The following DNAI7 variants were observed in gnomAD, a reference collection of about 807,000 sequenced individuals.
The protein encoded by DNAI7 is cancer susceptibility 1.
In DNAI7, 78 loss-of-function variants were observed where a neutral mutation model predicts 86.6. The ratio of observed to expected loss-of-function variants is 0.90; its 90% CI spans 0.75 to 1.09. DNAI7 has a LOEUF of 1.09. Among genes scored for constraint, DNAI7 ranks in the 50% least tolerant of loss-of-function variants. DNAI7 has a pLI of 0.00. For synonymous variants in DNAI7, 274 were observed against 273.0 expected (o/e 1.00, Z -0.04); for missense variants, 753 against 810.2 (o/e 0.93, Z 0.86).
chr12:25,182,056 G>T (rs1469222262), intron 2 of DNAI7, among the ~76,000 whole-genome samples: 1 of 147,190 alleles, frequency 6.8e-6, no homozygotes, highest in African/African-American at 2.5e-5. Context: ...TTTTCAAAGA[G>T]ACACCTGTAG....
At chr12:25,160,804 TTTAAG>T (rs1305226686) in intron 3 of DNAI7, among the ~76,000 whole-genome samples, 1 of 152,234 alleles carries the variant, frequency 6.6e-6, no homozygotes, top group African/African-American at 2.4e-5. Flanking sequence ...CAATTTTTTT[TTTAAG>T]TTAAGTATGT....
intron 9 of DNAI7, among the ~76,000 whole-genome samples, chr12:25,139,687 G>A (rs4460901): frequency 0.68 from 103,869 of 151,796 alleles, 39,588 homozygotes; most frequent in East Asian, 0.99. Context: ...ATCACACACT[G>A]GGGCCTGTCG....
chr12:25,155,542 T>C (rs1009244266), intron 4 of DNAI7, 130 bp from the exon 5 acceptor site: 1 of 492,320 alleles, frequency 2.0e-6, no homozygotes, highest in African/African-American at 2.0e-5. Context: ...TTAGTTTGAA[T>C]ATAACTGATA....
intron 2 of DNAI7, among the ~76,000 whole-genome samples, chr12:25,181,790 T>C (rs1949526287): frequency 6.6e-6 from 1 of 151,912 alleles, no homozygotes; most frequent in African/African-American, 2.4e-5. Context: ...AGATCACTAA[T>C]CAGATAAATT....
intron 2 of DNAI7, among the ~76,000 whole-genome samples, chr12:25,173,206 A>G (rs574101080): frequency 6.6e-6 from 1 of 152,160 alleles, no homozygotes; most frequent in East Asian, 1.9e-4. Context: ...ACATCTGACA[A>G]AGGACTAATA....
Position 25,114,831 on chromosome 12 carries a change from T to A in DNAI7, c.1436A>T (p.Tyr479Phe), listed in dbSNP as rs1168125768. 1 of 1,613,996 alleles carries A rather than the reference T, an allele frequency of 6.2e-7. No individual in the cohort carries two copies. The highest frequency in any genetic ancestry group is 8.5e-7 in the Non-Finnish European group (1 of 1,179,968). The change falls in exon 13 of 16, where the codon TAC (tyrosine) becomes TTC (phenylalanine). Residue 479 changes from tyrosine (Y) to phenylalanine (F), a missense_variant. Coordinates refer to ENST00000395987, the MANE Select transcript of DNAI7 (RefSeq NM_018272.5). ...TGTTACAAGTCTTTCTTTTGGTTTG[T>A]AGGATACATTGCTGATGCCATCAGT... is the stretch of plus-strand genomic sequence containing the variant. ...WRTDGISNVS[Y>F]KPKERLVTFS...
chr12:25,194,948 A>G, intron 1 of DNAI7, 128 bp downstream of exon 1: 4 of 1,614,206 alleles, frequency 2.5e-6, no homozygotes, highest in Non-Finnish European at 3.4e-6. Context: ...ACCCCAAGGT[A>G]TGAGTTATTT....
At chr12:25,180,324 G>A (rs1235574917) in intron 2 of DNAI7, among the ~76,000 whole-genome samples, 4 of 152,018 alleles carry the variant, frequency 2.6e-5, no homozygotes, top group Non-Finnish European at 5.9e-5. Context: ...CCATGCTCAC[G>A]GATTAGAAGA....
intron 7 of DNAI7, among the ~76,000 whole-genome samples, chr12:25,148,708 AATTG>A (rs1355522562): frequency 2.0e-5 from 3 of 152,188 alleles, no homozygotes; most frequent in Non-Finnish European, 4.4e-5. Context: ...AATTTGTTAT[AATTG>A]ATTATAATCA....
At chr12:25,107,492 AAAT>A (rs1196316613), downstream of DNAI7, among the ~76,000 whole-genome samples, 1 of 152,180 alleles carries the variant, frequency 6.6e-6, no homozygotes, top group Non-Finnish European at 1.5e-5. Flanking sequence ...TCTACCCAGC[AAAT>A]AACATTTTTG....
chr12:25,108,331 C>A lies in DNAI7; in HGVS notation c.*217G>T. ...TATTGAAATAAAGAATCATTTAAATCTTCATAGAGTGAAAGCTGAAATTCT... is the reference window on the plus strand; with the variant it reads ...TATTGAAATAAAGAATCATTTAAATATTCATAGAGTGAAAGCTGAAATTCT... On this transcript the variant is annotated 3_prime_UTR_variant, in exon 16 of 16. Coordinates refer to ENST00000395987, the MANE Select transcript of DNAI7 (RefSeq NM_018272.5). 1 of 541,498 alleles carries A rather than the reference C, an allele frequency of 1.8e-6. No individual in the cohort carries two copies. Among genetic ancestry groups the A allele is most frequent in the East Asian group, 3.0e-5 (1 of 33,524 alleles). 33.5% of individuals were successfully genotyped at this position (541,498 alleles called of 1,614,324 possible).
intron 2 of DNAI7, among the ~76,000 whole-genome samples, chr12:25,176,770 C>A (rs910511567): frequency 1.3e-5 from 2 of 151,156 alleles, no homozygotes; most frequent in Non-Finnish European, 2.9e-5. Context: ...AGTTTTCTAA[C>A]GTATATATAT....
intron 9 of DNAI7, among the ~76,000 whole-genome samples, chr12:25,142,201 C>G (rs1046331891): frequency 3.3e-5 from 5 of 152,176 alleles, no homozygotes; most frequent in Non-Finnish European, 7.3e-5. Context: ...TTGCAGCAAC[C>G]TGGATGGAAC....
Position 25,155,297 on chromosome 12 carries a change from GA to G in DNAI7, c.300+13del. The G allele has an allele frequency of 6.9e-7, 1 of 1,449,318 alleles. No homozygotes were observed. Among genetic ancestry groups the G allele is most frequent in the Non-Finnish European group, 9.6e-7 (1 of 1,041,386 alleles). The allele number at this position is 1,449,318 out of a possible 1,614,324, so 89.8% of individuals were successfully genotyped here. A position where few individuals can be genotyped will look rare whatever the true frequency, so the allele number is the denominator to read the frequency against. On this transcript the variant is annotated intron_variant, in intron 5 of 15. Transcript: ENST00000395987. ...TGACAAAGGTATTAGCTAAAAAAGA[GA>G]AATCAGTCCTACCTGAGAAAGCAAT...
At chr12:25,176,353 T>G (rs1948958543) in intron 2 of DNAI7, among the ~76,000 whole-genome samples, 1 of 152,048 alleles carries the variant, frequency 6.6e-6, no homozygotes, top group Non-Finnish European at 1.5e-5. Flanking sequence ...TGTTCTAGAT[T>G]GAGTTAATCT....
chr12:25,147,019 T>G lies in DNAI7; in HGVS notation c.671A>C (p.Asn224Thr). ...AGGGTACCTTGGATTCTTCTTGAGG[T>G]TTGCCCACACATACAGAGTAACATT... ...DENVTLYVWANLKKNPRHRSV... is the reference protein window; with the variant it reads ...DENVTLYVWATLKKNPRHRSV... Residue 224 changes from asparagine to threonine, a missense_variant, in exon 8 of 16, where the codon AAC (asparagine) becomes ACC (threonine). Physicochemically the swap from Asn to Thr is moderately conservative, Grantham distance 65. Coordinates refer to ENST00000395987, the MANE Select transcript of DNAI7 (RefSeq NM_018272.5). The G allele has an allele frequency of 1.3e-6, 2 of 1,588,580 alleles. No homozygotes were observed. Among genetic ancestry groups the G allele is most frequent in the South Asian group, 2.2e-5 (2 of 90,526 alleles).
At chr12:25,140,879 C>A (rs906221089) in intron 9 of DNAI7, among the ~76,000 whole-genome samples, 1 of 152,034 alleles carries the variant, frequency 6.6e-6, no homozygotes, top group African/African-American at 2.4e-5. Flanking sequence ...ACCAATGGAA[C>A]AGAATAGAGA....
At chr12:25,147,344 G>C (rs546380260) in intron 7 of DNAI7, among the ~76,000 whole-genome samples, 1 of 152,212 alleles carries the variant, frequency 6.6e-6, no homozygotes, top group African/African-American at 2.4e-5. Flanking sequence ...TTCTCCTAAG[G>C]TGTCTAAGAA....
intron 2 of DNAI7, among the ~76,000 whole-genome samples, chr12:25,175,291 A>G (rs1292865270): frequency 6.6e-6 from 1 of 152,138 alleles, no homozygotes; most frequent in Non-Finnish European, 1.5e-5. Context: ...AAATCTTTAC[A>G]CACCAAATCT....
Sources: gnomAD v4.1 joint callset for allele counts (sites outside exome capture counted in the v4.1 genomes callset) on GRCh38, gnomAD v4.1.1 for gene constraint, MANE v1.5 for transcripts, NCBI Gene and HGNC (gene_info 2026-07-23, HGNC 2026-07-21) for gene names.